Variants in UNKL observed in about 807,000 individuals in gnomAD.
The protein encoded by UNKL is unk like zinc finger.
A neutral mutation model predicts 78.0 loss-of-function variants in UNKL; 60 were observed. The ratio of observed to expected loss-of-function variants is 0.77; its 90% CI spans 0.63 to 0.95. UNKL has a LOEUF of 0.95. Ranked by LOEUF, UNKL falls within the 40% of genes least tolerant of loss-of-function variation. The probability of loss-of-function intolerance (pLI) is 0.00; values close to 1 mark genes in which losing one functional copy is unlikely to be tolerated. For missense variants in UNKL, 1,159 were observed against 1,045.7 expected (o/e 1.11, Z -1.49); for synonymous variants, 608 against 474.8 (o/e 1.28, Z -3.65).
chr16:1,381,799 C>G (rs879269874), intron 10 of UNKL, among the ~76,000 whole-genome samples: 1 of 152,144 alleles, frequency 6.6e-6, no homozygotes, highest in Non-Finnish European at 1.5e-5. Flanking sequence ...ATGTTCTCAC[C>G]GGGCCCGGTG....
intron 8 of UNKL, 77 bp from the exon 9 acceptor site, chr16:1,390,771 C>G: frequency 1.3e-6 from 2 of 1,485,318 alleles, no homozygotes; most frequent in Non-Finnish European, 1.8e-6. Context: ...TCAGGCTGGG[C>G]ACAGTGGCAG....
Position 1,390,623 on chromosome 16 carries a change from G to A in UNKL, c.1086+9C>T, listed in dbSNP as rs982575558. 1.4e-5 allele frequency: 22 copies of A among 1,535,942 alleles called. No individual in the cohort carries two copies. The highest frequency in any genetic ancestry group is 1.9e-5 in the Non-Finnish European group (22 of 1,146,822). ...AGGCACGAGGGTGGGAAACCTTGGG[G>A]GCCTGTACCTGCTTGCTGTCTTGCT... On this transcript the variant is annotated intron_variant, in intron 9 of 14. Transcript: ENST00000389221.
rs578161701 is a variant in UNKL at position 1,366,516 on chromosome 16, G to C, written c.2047-121C>G. 3.0e-6 allele frequency: 4 copies of C among 1,313,874 alleles called. No homozygotes were observed. The South Asian group carries it at 6.2e-5, about 21-fold the overall frequency. The allele number at this position is 1,313,874 out of a possible 1,614,324, so 81.4% of individuals were successfully genotyped here. A position where few individuals can be genotyped will look rare whatever the true frequency, so the allele number is the denominator to read the frequency against. Reference sequence around the variant, plus strand: ...AGGCCGCCCGGCCACCAGCTACAGAGACAGGGTCAGGGAGACGCCCCAGCC... The same window carrying C: ...AGGCCGCCCGGCCACCAGCTACAGACACAGGGTCAGGGAGACGCCCCAGCC... On this transcript the variant is annotated intron_variant, in intron 14 of 14. Coordinates refer to ENST00000389221, the MANE Select transcript of UNKL (RefSeq NM_001372107.1).
chr16:1,388,200 C>A (rs140953313), intron 9 of UNKL, among the ~76,000 whole-genome samples: 3,148 of 152,258 alleles, frequency 0.021, 44 homozygotes, highest in Middle Eastern at 0.048. Flanking sequence ...GTGCCCCGCA[C>A]CTGTGTCTGC....
In UNKL at chr16:1,399,717, T is replaced by C. The variant is rs887021143; in HGVS notation, c.599-208A>G. 4.6e-5 allele frequency among the ~76,000 whole-genome samples: 7 copies of C among 152,150 alleles called. No individual in the cohort carries two copies. Among genetic ancestry groups the C allele is most frequent in the Non-Finnish European group, 1.0e-4 (7 of 68,024 alleles). The stretch of plus-strand genomic sequence containing the variant: ...CGGGCCAGAAGGCCACGTGGTGTGA[T>C]TCTGTTTATGTGAAAATGCCCAGAA... On this transcript the variant is annotated intron_variant, in intron 4 of 14. Coordinates refer to ENST00000389221, the MANE Select transcript of UNKL (RefSeq NM_001372107.1). The surrounding 1 kb of genome is among the most constrained non-coding windows in gnomAD (Gnocchi z 5.8).
intron 10 of UNKL, chr16:1,384,003 C>T (rs545744788): frequency 1.5e-3 from 290 of 197,630 alleles, no homozygotes; most frequent in Non-Finnish European, 2.6e-3. Context: ...CAACCCCATC[C>T]CATTCCACCC....
At chr16:1,398,679 G>GCCGGCC in intron 5 of UNKL, 10 of 1,356,168 alleles carry the variant, frequency 7.4e-6, no homozygotes, top group Non-Finnish European at 9.5e-6. Flanking sequence ...TGTGGGGTCT[G>GCCGGCC]CACCCCCCCA....
At position 1,367,707 on chromosome 16, in the gene UNKL, C is replaced by A. The variant is rs1396579974; in HGVS notation, c.1737G>T (p.Glu579Asp). 39 of 1,581,904 alleles carry A rather than the reference C, an allele frequency of 2.5e-5. No homozygotes were observed. The highest frequency in any genetic ancestry group is 3.3e-5 in the Non-Finnish European group (38 of 1,164,892). Reference sequence around the variant, plus strand: ...CCCACTGCCGGATCTTCCTCTTGGCCTCGTCCAGCTGCCGCCTGACCCGGG... The same window carrying A: ...CCCACTGCCGGATCTTCCTCTTGGCATCGTCCAGCTGCCGCCTGACCCGGG... ...ELARVRRQLD[E>D]AKRKIRQWEE... Residue 579 changes from glutamate to aspartate, a missense_variant, in exon 13 of 15, where the codon GAG becomes GAT. Coordinates refer to ENST00000389221, the MANE Select transcript of UNKL (RefSeq NM_001372107.1).
chr16:1,398,859 G>A (rs771202098), intron 5 of UNKL: 63 of 1,574,296 alleles, frequency 4.0e-5, no homozygotes, highest in Non-Finnish European at 4.9e-5. Context: ...GTGGAGGAAG[G>A]TCCTGTGTGC....
chr16:1,413,919 T>C lies in UNKL; in HGVS notation c.214A>G (p.Thr72Ala), dbSNP rs1340844866. 6.4e-7 allele frequency: 1 copy of C among 1,558,434 alleles called. No homozygotes were observed. Among genetic ancestry groups the C allele is most frequent in the Non-Finnish European group, 8.7e-7 (1 of 1,151,328 alleles). The change falls in exon 2 of 15, where the codon ACC becomes GCC. Residue 72 changes from threonine (T) to alanine (A), a missense_variant. Physicochemically the swap from Thr to Ala is moderately conservative, Grantham distance 58. Transcript: ENST00000389221. ...TACACGTCGGGGCTGTAGTTGAAGGTGCCGTCGCGCCTGCGGAGGGGCCTG... is the reference window on the plus strand; with the variant it reads ...TACACGTCGGGGCTGTAGTTGAAGGCGCCGTCGCGCCTGCGGAGGGGCCTG... ...RRRPLRRRDG[T>A]FNYSPDVYCS...
At chr16:1,394,355 C>T in intron 6 of UNKL, 140 bp from the exon 7 acceptor site, 1 of 1,001,842 alleles carries the variant, frequency 1.0e-6, no homozygotes, top group Non-Finnish European at 1.5e-6. Context: ...TGGGCCCTGC[C>T]CTCCTCCACG....
chr16:1,381,059 G>C (rs541725440), intron 10 of UNKL, among the ~76,000 whole-genome samples: 1 of 152,244 alleles, frequency 6.6e-6, no homozygotes, highest in South Asian at 2.1e-4. Context: ...CCTCAGATAC[G>C]AAAGAATGGT....
chr16:1,392,244 G>A (rs949818644), intron 8 of UNKL, among the ~76,000 whole-genome samples: 4 of 152,162 alleles, frequency 2.6e-5, no homozygotes, highest in Non-Finnish European at 2.9e-5. Flanking sequence ...GTAGATGCAG[G>A]AGCAGCTCTC....
At chr16:1,413,366 C>T (rs563059667) in intron 2 of UNKL, among the ~76,000 whole-genome samples, 23 of 150,720 alleles carry the variant, frequency 1.5e-4, no homozygotes, top group African/African-American at 5.4e-4. Context: ...GTTGGGAGTT[C>T]GAGACAAGCC....
chr16:1,379,379 G>A (rs1166860629), intron 10 of UNKL, among the ~76,000 whole-genome samples: 3 of 151,936 alleles, frequency 2.0e-5, no homozygotes, highest in Admixed American at 6.5e-5. Flanking sequence ...CCTAGCTAGG[G>A]GACGCAGGCG....
chr16:1,398,679 G>GCTGCCCC, intron 5 of UNKL: 5 of 1,356,336 alleles, frequency 3.7e-6, no homozygotes, highest in East Asian at 3.3e-5. Flanking sequence ...TGTGGGGTCT[G>GCTGCCCC]CACCCCCCCA....
At chr16:1,366,418 G>C in intron 14 of UNKL, 23 bp from the exon 15 acceptor site, 1 of 1,554,992 alleles carries the variant, frequency 6.4e-7, no homozygotes, top group Non-Finnish European at 8.7e-7. Context: ...AACAATGACG[G>C]GCTCAGGAGG....
At chr16:1,376,038 A>G (rs1361368149) in intron 10 of UNKL, among the ~76,000 whole-genome samples, 2 of 151,920 alleles carry the variant, frequency 1.3e-5, no homozygotes, top group Non-Finnish European at 2.9e-5. Flanking sequence ...CAAGGCTGAA[A>G]GTGAGATCTG....
At chr16:1,379,669 C>A (rs1223215542) in intron 10 of UNKL, 6 of 984,434 alleles carry the variant, frequency 6.1e-6, no homozygotes, top group Non-Finnish European at 7.2e-6. Context: ...CCCGCGCCGC[C>A]GCCGGGGATT....
Sources: gnomAD v4.1 joint callset for allele counts (sites outside exome capture counted in the v4.1 genomes callset) on GRCh38, gnomAD v4.1.1 for gene constraint, Gnocchi (gnomAD v3.1) non-coding constraint, MANE v1.5 for transcripts, NCBI Gene and HGNC (gene_info 2026-07-23, HGNC 2026-07-21) for gene names.